The following KAT2B variants were observed in gnomAD, a reference collection of about 807,000 sequenced individuals.
KAT2B encodes histone acetyltransferase KAT2B.
Under a neutral mutation model 105.9 loss-of-function variants are expected in KAT2B, and 36 were observed. The observed-to-expected ratio is 0.34, with a 90% CI of 0.26 to 0.45. KAT2B has a LOEUF of 0.45. KAT2B is among the 20% of genes least tolerant of loss of function. The probability of loss-of-function intolerance (pLI) is 1.00; values close to 1 mark genes in which losing one functional copy is unlikely to be tolerated. For synonymous variants in KAT2B, 397 were observed against 377.9 expected (o/e 1.05, Z -0.59); for missense variants, 820 against 1,021.6 (o/e 0.80, Z 2.69).
intron 8 of KAT2B, among the ~76,000 whole-genome samples, chr3:20,122,011 T>C (rs1301262710): frequency 2.0e-5 from 3 of 151,994 alleles, no homozygotes; most frequent in African/African-American, 7.2e-5. Flanking sequence ...TCCGTACATA[T>C]ATGGTGGGGT....
intron 9 of KAT2B, among the ~76,000 whole-genome samples, chr3:20,124,864 T>A (rs1230122184): frequency 6.6e-6 from 1 of 152,152 alleles, no homozygotes; most frequent in South Asian, 2.1e-4. Context: ...GGGCCTTCCT[T>A]CCTTGAAGAG....
intron 2 of KAT2B, among the ~76,000 whole-genome samples, chr3:20,083,776 T>C (rs1215790964): frequency 6.6e-6 from 1 of 152,064 alleles, no homozygotes; most frequent in Non-Finnish European, 1.5e-5. Flanking sequence ...GCTGGTAATG[T>C]GTGGAAGGTA....
chr3:20,093,946 T>G (rs961927822), intron 2 of KAT2B, among the ~76,000 whole-genome samples: 1 of 152,218 alleles, frequency 6.6e-6, no homozygotes, highest in African/African-American at 2.4e-5. Context: ...GAAAAGGGAC[T>G]TGAAGTGAAT....
At chr3:20,111,443 A>G (rs1479975237) in intron 5 of KAT2B, among the ~76,000 whole-genome samples, 153 bp from the exon 6 acceptor site, 4 of 152,214 alleles carry the variant, frequency 2.6e-5, no homozygotes, top group Admixed American at 2.6e-4. Flanking sequence ...TTGCATTCCC[A>G]AGTTTCACTA....
chr3:20,073,442 G>A (rs189525028), intron 2 of KAT2B, among the ~76,000 whole-genome samples: 9 of 152,220 alleles, frequency 5.9e-5, no homozygotes, highest in Admixed American at 2.0e-4. Context: ...GTGTTAGGTC[G>A]TCTGAAATTT....
At position 20,059,483 on chromosome 3, in the gene KAT2B, C is replaced by T. The variant is rs182442383; in HGVS notation, c.304-12850C>T. Among the ~76,000 whole-genome samples the T allele has an allele frequency of 3.7e-3, 550 of 149,320 alleles. 5 individuals carry two copies. Among genetic ancestry groups the T allele is most frequent in the African/African-American group, 0.013 (521 of 40,568 alleles). On this transcript the variant is annotated intron_variant, in intron 1 of 17. Transcript: ENST00000263754. ...TTGTAATCCCAGCACTTTGGGAGGC[C>T]GAGGCAGGTGGATCACGAGGTCAGG...
chr3:20,147,263 C>A (rs1292471344), intron 14 of KAT2B, among the ~76,000 whole-genome samples: 5 of 152,086 alleles, frequency 3.3e-5, no homozygotes, highest in Non-Finnish European at 7.4e-5. Context: ...ATGCTAAATC[C>A]AGAAATTCTA....
rs112433349 is a variant in KAT2B, at chr3:20,048,815, GAGA to G, written c.303+8038_303+8040del. Among the ~76,000 whole-genome samples the G allele has an allele frequency of 7.5e-3, 1,145 of 152,320 alleles. 12 individuals carry two copies. Among genetic ancestry groups the G allele is most frequent in the African/African-American group, 0.026 (1,090 of 41,578 alleles). On this transcript the variant is annotated intron_variant, in intron 1 of 17. Transcript: ENST00000263754. ...CACATTGGCTACTCACACATGGGGA[GAGA>G]AGGAGGGGAATCCTTGCTTCTTTCC...
In KAT2B at chr3:20,146,409, A is replaced by G. The variant is rs770075217; in HGVS notation, c.2098A>G (p.Ile700Val). The change falls in exon 14 of 18, where the codon ATA (isoleucine) becomes GTA (valine). Residue 700 changes from isoleucine to valine, a missense_variant. Around this residue, in one of 6 missense-constraint regions of KAT2B, gnomAD observed 227 missense variants for 292.9 expected, o/e 0.77. Coordinates refer to ENST00000263754, the MANE Select transcript of KAT2B (RefSeq NM_003884.5). ...TAAAGATGGAGTTCGACAGATTCCT[A>G]TAGAAAGCATTCCTGGAATTAGTAC... ...CFKDGVRQIP[I>V]ESIPGIRETG... 40 of 1,610,306 alleles carry G rather than the reference A, an allele frequency of 2.5e-5. No homozygotes were observed. In the South Asian group the frequency reaches 3.7e-4, roughly 15 times the overall value.
intron 1 of KAT2B, among the ~76,000 whole-genome samples, chr3:20,069,721 T>C (rs1447739200): frequency 6.6e-6 from 1 of 151,986 alleles, no homozygotes; most frequent in Non-Finnish European, 1.5e-5. Context: ...AGACGGGGTT[T>C]CACCATTCAA....
At chr3:20,135,660 A>T (rs946931857) in intron 11 of KAT2B, among the ~76,000 whole-genome samples, 3 of 152,066 alleles carry the variant, frequency 2.0e-5, no homozygotes, top group South Asian at 4.1e-4. Flanking sequence ...TCTCAAAAAA[A>T]AAAAAATAAA....
At chr3:20,113,086 A>G (rs1490685588) in intron 6 of KAT2B, among the ~76,000 whole-genome samples, 2 of 152,210 alleles carry the variant, frequency 1.3e-5, no homozygotes, top group South Asian at 2.1e-4. Flanking sequence ...CTAAGTCATG[A>G]CATGAACATT....
intron 1 of KAT2B, among the ~76,000 whole-genome samples, chr3:20,048,835 C>A (rs1349038253): frequency 6.6e-6 from 1 of 152,092 alleles, no homozygotes; most frequent in African/African-American, 2.4e-5. Context: ...GGAATCCTTG[C>A]TTCTTTCCCT....
At chr3:20,050,549 G>A (rs186467009) in intron 1 of KAT2B, among the ~76,000 whole-genome samples, 3 of 152,136 alleles carry the variant, frequency 2.0e-5, no homozygotes, top group Middle Eastern at 3.4e-3. Context: ...TTTGTGTCTG[G>A]GTTCTTTCAC....
chr3:20,106,215 G>A (rs1210152169), intron 5 of KAT2B, among the ~76,000 whole-genome samples: 1 of 152,202 alleles, frequency 6.6e-6, no homozygotes, highest in Non-Finnish European at 1.5e-5. Context: ...TATTTGAACA[G>A]TAAGAAAATA....
intron 5 of KAT2B, among the ~76,000 whole-genome samples, chr3:20,108,088 G>T (rs1488280120): frequency 1.3e-5 from 2 of 152,080 alleles, no homozygotes; most frequent in African/African-American, 2.4e-5. Context: ...GGGATTACAG[G>T]TGTGAGCCAC....
intron 1 of KAT2B, among the ~76,000 whole-genome samples, chr3:20,058,453 C>CAA (rs35239760): frequency 0.01 from 737 of 73,334 alleles, 3 homozygotes; most frequent in South Asian, 0.024. Flanking sequence ...GACTCTGTCT[C>CAA]AAAAAAAAAA....
intron 11 of KAT2B, among the ~76,000 whole-genome samples, chr3:20,133,754 T>C (rs1402757267): frequency 6.6e-6 from 1 of 152,152 alleles, no homozygotes; most frequent in Non-Finnish European, 1.5e-5. Flanking sequence ...TCACCAGTGG[T>C]GTTGGAGAGA....
intron 1 of KAT2B, among the ~76,000 whole-genome samples, chr3:20,059,350 G>T (rs555178871): frequency 3.0e-4 from 41 of 138,626 alleles, no homozygotes; most frequent in Non-Finnish European, 6.2e-4. Flanking sequence ...GGAGGCGGAG[G>T]TTGCAGTGAG....
Sources: gnomAD v4.1 joint callset for allele counts (sites outside exome capture counted in the v4.1 genomes callset) on GRCh38, gnomAD v4.1.1 for gene constraint, gnomAD v4.1.1 regional missense constraint, MANE v1.5 for transcripts, NCBI Gene and HGNC (gene_info 2026-07-23, HGNC 2026-07-21) for gene names.